The following FSHR variants were observed in gnomAD, a reference collection of about 807,000 sequenced individuals.
The protein encoded by FSHR is follicle-stimulating hormone receptor.
A neutral mutation model predicts 52.1 loss-of-function variants in FSHR; 46 were observed. That is an observed-to-expected ratio of 0.88 (90% CI 0.70 to 1.13). The LOEUF is 1.13. Among genes scored for constraint, FSHR ranks in the 50% most tolerant of loss-of-function variants. The probability of loss-of-function intolerance (pLI) is 0.00; values close to 1 mark genes in which losing one functional copy is unlikely to be tolerated. For missense variants in FSHR, 964 were observed against 834.6 expected, an observed-to-expected ratio of 1.16 and a Z score of -1.91; for synonymous variants, 399 against 309.6, an observed-to-expected ratio of 1.29 and a Z score of -3.03.
At chr2:49,007,347 T>C (rs762972193) in intron 4 of FSHR, among the ~76,000 whole-genome samples, 7 of 152,138 alleles carry the variant, frequency 4.6e-5, no homozygotes, top group Non-Finnish European at 1.0e-4. Flanking sequence ...ACTGTGTGGA[T>C]TGTTGAGGTT....
chr2:49,096,970 A>G (rs6744698), intron 1 of FSHR, among the ~76,000 whole-genome samples: 41,069 of 151,962 alleles, frequency 0.27, 6,098 homozygotes, highest in African/African-American at 0.41. Flanking sequence ...CCCCAGCCCC[A>G]GAAGCCAAGC....
chr2:49,012,211 T>C (rs1344515127), intron 4 of FSHR, among the ~76,000 whole-genome samples: 2 of 152,114 alleles, frequency 1.3e-5, no homozygotes, highest in Non-Finnish European at 2.9e-5. Context: ...TTTAACAGGA[T>C]GCAAAGGCAA....
At chr2:49,049,400 C>T (rs1368986697) in intron 2 of FSHR, among the ~76,000 whole-genome samples, 2 of 152,134 alleles carry the variant, frequency 1.3e-5, no homozygotes, top group South Asian at 4.2e-4. Flanking sequence ...GTCAGAAATG[C>T]CTTGAGTAAC....
chr2:49,077,117 C>T (rs1669979847), intron 1 of FSHR, among the ~76,000 whole-genome samples: 1 of 152,346 alleles, frequency 6.6e-6, no homozygotes, highest in South Asian at 2.1e-4. Flanking sequence ...CCACATATTT[C>T]CCTTCCATAC....
chr2:48,967,006 T>C (rs1253470342), intron 9 of FSHR, among the ~76,000 whole-genome samples: 2 of 151,842 alleles, frequency 1.3e-5, no homozygotes, highest in African/African-American at 2.4e-5. Context: ...TCTAGAGGAG[T>C]CTGAGTAACA....
intron 2 of FSHR, among the ~76,000 whole-genome samples, chr2:49,036,936 G>A (rs1386272598): frequency 5.9e-5 from 9 of 152,154 alleles, no homozygotes; most frequent in African/African-American, 2.2e-4. Flanking sequence ...TCTTCAACAT[G>A]ATCAGAACGC....
chr2:49,110,381 G>C (rs1340884571), intron 1 of FSHR, among the ~76,000 whole-genome samples: 3 of 152,008 alleles, frequency 2.0e-5, no homozygotes. Flanking sequence ...TTAATATACT[G>C]TCTCTGCATA....
intron 1 of FSHR, among the ~76,000 whole-genome samples, chr2:49,123,360 G>A (rs1395725872): frequency 6.6e-6 from 1 of 152,044 alleles, no homozygotes; most frequent in African/African-American, 2.4e-5. Context: ...GGTGGCTCAC[G>A]CTGGTAGTAC....
chr2:49,097,141 T>A (rs1328236659), intron 1 of FSHR, among the ~76,000 whole-genome samples: 1 of 152,240 alleles, frequency 6.6e-6, no homozygotes, highest in Non-Finnish European at 1.5e-5. Context: ...TTTGCTTTAT[T>A]GTTTTCTTAT....
At chr2:49,015,840 G>GT (rs1667470633) in intron 4 of FSHR, among the ~76,000 whole-genome samples, 1 of 152,138 alleles carries the variant, frequency 6.6e-6, no homozygotes, top group South Asian at 2.1e-4. Context: ...TTTCAAGAAG[G>GT]TAACAGCAGA....
At chr2:49,085,638 C>G (rs1670353586) in intron 1 of FSHR, among the ~76,000 whole-genome samples, 1 of 152,148 alleles carries the variant, frequency 6.6e-6, no homozygotes, top group South Asian at 2.1e-4. Flanking sequence ...GACTATAAAT[C>G]ATGCTGCTAT....
At chr2:49,153,475 A>T (rs1348621502) in intron 1 of FSHR, among the ~76,000 whole-genome samples, 1 of 152,084 alleles carries the variant, frequency 6.6e-6, no homozygotes, top group Admixed American at 6.6e-5. Context: ...AAAAGGCCCG[A>T]TTTCTACTTT....
intron 1 of FSHR, among the ~76,000 whole-genome samples, chr2:49,112,767 C>T (rs917905075): frequency 1.3e-5 from 2 of 152,058 alleles, no homozygotes; most frequent in African/African-American, 4.8e-5. Flanking sequence ...CCATCTTGCC[C>T]CTATAAACTT....
chr2:49,024,388 A>C (rs1667847247), intron 2 of FSHR, among the ~76,000 whole-genome samples: 1 of 152,142 alleles, frequency 6.6e-6, no homozygotes, highest in Non-Finnish European at 1.5e-5. Flanking sequence ...CAGCCTGAGC[A>C]ACATGGTGAA....
rs559544903 is a variant in FSHR, at chr2:48,963,797, C to T, written c.1024G>A (p.Val342Ile). The T allele has an allele frequency of 4.3e-6, 7 of 1,614,142 alleles. No homozygotes were observed. The highest frequency in any genetic ancestry group is 1.1e-5 in the South Asian group (1 of 91,076). Residue 342 changes from valine to isoleucine, a missense_variant, in exon 10 of 10, where the codon GTT (valine) becomes ATT (isoleucine). Val to Ile is a conservative substitution (Grantham distance 29). Coordinates refer to ENST00000406846, the MANE Select transcript of FSHR (RefSeq NM_000145.4). The stretch of plus-strand genomic sequence containing the variant: ...GGCTTAGGGGAGCAGGTCACGTCAA[C>T]CACTTCATTGCATAAGTCATAGTCA... ...EFDYDLCNEV[V>I]DVTCSPKPDA... is the part of the protein sequence containing the mutation.
intron 5 of FSHR, among the ~76,000 whole-genome samples, chr2:48,989,578 G>C (rs1043375193): frequency 1.1e-4 from 17 of 152,264 alleles, no homozygotes; most frequent in African/African-American, 4.1e-4. Flanking sequence ...ACTGTGCATG[G>C]CTTACTTTTT....
intron 4 of FSHR, among the ~76,000 whole-genome samples, chr2:48,990,936 T>G (rs1167448250): frequency 6.6e-6 from 1 of 151,864 alleles, no homozygotes; most frequent in Non-Finnish European, 1.5e-5. Flanking sequence ...TAAAGCAACT[T>G]CCAACTAGTA....
intron 4 of FSHR, chr2:49,014,885 C>T (rs2104202029): frequency 2.1e-6 from 1 of 469,724 alleles, no homozygotes; most frequent in African/African-American, 2.0e-5. Context: ...TGTTCTGTCA[C>T]TGAAGGCTCT....
intron 4 of FSHR, among the ~76,000 whole-genome samples, chr2:49,007,362 T>A (rs1432107082): frequency 1.3e-5 from 2 of 152,040 alleles, no homozygotes; most frequent in Non-Finnish European, 2.9e-5. Context: ...GAGGTTCAAA[T>A]GCAACAAAGG....
Sources: gnomAD v4.1 joint callset for allele counts (sites outside exome capture counted in the v4.1 genomes callset) on GRCh38, gnomAD v4.1.1 for gene constraint, MANE v1.5 for transcripts, NCBI Gene and HGNC (gene_info 2026-07-23, HGNC 2026-07-21) for gene names.